The following ADCY9 variants were observed in gnomAD, a reference collection of about 807,000 sequenced individuals.
ADCY9 encodes adenylate cyclase type 9.
ADCY9 carries 50 observed loss-of-function variants against 101.5 expected under a neutral mutation model. The observed-to-expected ratio is 0.49, with a 90% CI of 0.39 to 0.62. The LOEUF is 0.62. Ranked by LOEUF, ADCY9 falls within the 20% of genes least tolerant of loss-of-function variation. ADCY9 has a pLI of 0.00. For missense variants in ADCY9, 1,662 were observed against 1,800.4 expected, an observed-to-expected ratio of 0.92 and a Z score of 1.39; for synonymous variants, 905 against 769.3, an observed-to-expected ratio of 1.18 and a Z score of -2.92.
chr16:4,048,142 G>C (rs1180571688), intron 2 of ADCY9, among the ~76,000 whole-genome samples: 1 of 150,830 alleles, frequency 6.6e-6, no homozygotes, highest in Non-Finnish European at 1.5e-5. Context: ...TTGGGGGAGG[G>C]TGGGCTGGGG....
chr16:4,043,088 G>A (rs567031587), intron 2 of ADCY9, among the ~76,000 whole-genome samples: 15 of 152,136 alleles, frequency 9.9e-5, no homozygotes, highest in Non-Finnish European at 1.8e-4. Flanking sequence ...AAAATTAGCC[G>A]GGCGTGGTGG....
At chr16:3,988,632 G>A (rs1212252239) in intron 6 of ADCY9, among the ~76,000 whole-genome samples, 2 of 105,848 alleles carry the variant, frequency 1.9e-5, no homozygotes, top group African/African-American at 3.7e-5. Flanking sequence ...AGGTGTGGGG[G>A]CCCCTTCCAA....
chr16:3,992,440 CCGA>C lies in ADCY9; in HGVS notation c.1990-80_1990-78del. ...ACTGGGCACACACGCCTGTCCCACC[CCGA>C]CCTCCGCTGCGGGGCGCTGCTGCAC... On this transcript the variant is annotated intron_variant, in intron 4 of 10. Coordinates refer to ENST00000294016, the MANE Select transcript of ADCY9 (RefSeq NM_001116.4). This position sits in a 1 kb window ranked among gnomAD's most constrained non-coding sequence, Gnocchi z 4.2. The C allele has an allele frequency of 7.3e-7, 1 of 1,362,920 alleles. No homozygotes were observed. Among genetic ancestry groups the C allele is most frequent in the Non-Finnish European group, 1.0e-6 (1 of 980,752 alleles). 84.4% of individuals were successfully genotyped at this position (1,362,920 alleles called of 1,614,324 possible). A position where few individuals can be genotyped will look rare whatever the true frequency, so the allele number is the denominator to read the frequency against.
At chr16:4,063,642 G>A (rs1015407961) in intron 2 of ADCY9, among the ~76,000 whole-genome samples, 3 of 151,804 alleles carry the variant, frequency 2.0e-5, no homozygotes, top group Non-Finnish European at 2.9e-5. Context: ...AGCCTGGAAG[G>A]TGGAAGCTGC....
chr16:3,988,948 C>A, intron 6 of ADCY9, 46 bp downstream of exon 6: 2 of 1,449,630 alleles, frequency 1.4e-6, no homozygotes, highest in African/African-American at 1.4e-5. Flanking sequence ...CATGTGAGAA[C>A]AACAAACACA....
At chr16:3,983,736 G>T in intron 6 of ADCY9, 1 of 425,224 alleles carries the variant, frequency 2.4e-6, no homozygotes, top group Non-Finnish European at 4.3e-6. Context: ...CCCGGCCAGC[G>T]TAACACAGTG....
At chr16:4,003,602 T>A (rs1381580891) in intron 3 of ADCY9, among the ~76,000 whole-genome samples, 1 of 148,950 alleles carries the variant, frequency 6.7e-6, no homozygotes, top group Non-Finnish European at 1.5e-5. Flanking sequence ...TCTCATTCTG[T>A]CACCCTGGTT....
At chr16:3,970,330 C>T (rs2056039832) in intron 10 of ADCY9, among the ~76,000 whole-genome samples, 2 of 152,022 alleles carry the variant, frequency 1.3e-5, no homozygotes, top group Admixed American at 1.3e-4. Flanking sequence ...CACGCCTGGC[C>T]AAAACTCAAT....
intron 2 of ADCY9, among the ~76,000 whole-genome samples, chr16:4,041,887 G>A (rs989067737): frequency 2.0e-5 from 3 of 149,286 alleles, no homozygotes; most frequent in African/African-American, 4.9e-5. Flanking sequence ...AAGTAGCTGG[G>A]ACCTCAGGGA....
intron 9 of ADCY9, among the ~76,000 whole-genome samples, chr16:3,977,138 C>A (rs2056098830): frequency 6.6e-6 from 1 of 152,216 alleles, no homozygotes; most frequent in African/African-American, 2.4e-5. Context: ...TGGCCTTGAC[C>A]ATCTTCTATG....
chr16:4,062,704 A>C (rs183260130), intron 2 of ADCY9, among the ~76,000 whole-genome samples: 191 of 152,334 alleles, frequency 1.3e-3, no homozygotes, highest in Middle Eastern at 3.4e-3. Flanking sequence ...AAAACACAAA[A>C]AAATCCCACA....
intron 2 of ADCY9, among the ~76,000 whole-genome samples, chr16:4,050,604 C>G (rs1307480184): frequency 6.9e-6 from 1 of 145,482 alleles, no homozygotes; most frequent in African/African-American, 2.5e-5. Context: ...ATCCCAGCTA[C>G]TAGGGAGGCT....
At chr16:4,056,710 T>C (rs2056740109) in intron 2 of ADCY9, among the ~76,000 whole-genome samples, 1 of 152,214 alleles carries the variant, frequency 6.6e-6, no homozygotes, top group African/African-American at 2.4e-5. Context: ...CAAATTCCCC[T>C]CTGCATCATG....
intron 2 of ADCY9, among the ~76,000 whole-genome samples, chr16:4,091,416 TAAAC>T (rs921172108): frequency 1.1e-4 from 16 of 152,252 alleles, no homozygotes; most frequent in South Asian, 2.1e-4. Context: ...GTCAAAAAGT[TAAAC>T]AGAGTTACCG....
At chr16:4,101,499 G>A (rs945778766) in intron 2 of ADCY9, among the ~76,000 whole-genome samples, 2 of 151,980 alleles carry the variant, frequency 1.3e-5, no homozygotes, top group African/African-American at 4.8e-5. Context: ...GACTGGTCTC[G>A]AGCTCCTGGA....
At chr16:4,080,716 T>C (rs1349085880) in intron 2 of ADCY9, among the ~76,000 whole-genome samples, 1 of 77,916 alleles carries the variant, frequency 1.3e-5, no homozygotes, top group Non-Finnish European at 2.5e-5. Flanking sequence ...AACATTTTTT[T>C]CGTTTTTTTT....
chr16:3,969,034 C>A (rs1344419500), intron 10 of ADCY9, among the ~76,000 whole-genome samples: 2 of 152,102 alleles, frequency 1.3e-5, no homozygotes, highest in Non-Finnish European at 2.9e-5. Context: ...TTACTAGAGA[C>A]AGGTTGGTCT....
rs149465612 is a variant in ADCY9, at chr16:3,966,236, C to T, written c.3601G>A (p.Gly1201Ser). 2.8e-5 allele frequency: 46 copies of T among 1,614,082 alleles called. No individual in the cohort carries two copies. Among genetic ancestry groups the T allele is most frequent in the Non-Finnish European group, 2.6e-5 (31 of 1,180,056 alleles). The change falls in exon 11 of 11, where the codon GGC (glycine) becomes AGC (serine). Residue 1201 changes from glycine to serine, a missense_variant. Physicochemically the swap from Gly to Ser is moderately conservative, Grantham distance 56. This residue lies in a region of ADCY9 where 220 missense variants were observed against 312.9 expected (regional missense o/e 0.70). Transcript: ENST00000294016. ...CTCACCTGGATGCGGCACTCCACGC[C>T]GGTGGTGTCCATCCTGCTGGCGATG... ...VNIASRMDTT[G>S]VECRIQVSEE...
chr16:4,079,638 C>A (rs1462171964), intron 2 of ADCY9, among the ~76,000 whole-genome samples: 4 of 151,976 alleles, frequency 2.6e-5, no homozygotes, highest in Admixed American at 6.6e-5. Flanking sequence ...ATTCATGATC[C>A]ATGAATGGTG....
Sources: allele counts gnomAD v4.1 joint callset (sites outside exome capture counted in the v4.1 genomes callset), GRCh38; gene constraint gnomAD v4.1.1; regional missense constraint gnomAD v4.1.1; non-coding constraint Gnocchi (gnomAD v3.1); transcripts MANE v1.5; gene names NCBI Gene and HGNC (gene_info 2026-07-23, HGNC 2026-07-21).